Variants in ERBB4 observed in about 807,000 individuals in gnomAD.
ERBB4 encodes erb-b2 receptor tyrosine kinase 4, also known as receptor tyrosine-protein kinase erbB-4.
Under a neutral mutation model 158.0 loss-of-function variants are expected in ERBB4, and 42 were observed. The ratio of observed to expected loss-of-function variants is 0.27; its 90% CI spans 0.21 to 0.34. ERBB4 has a LOEUF of 0.34. Among genes scored for constraint, ERBB4 ranks in the 10% least tolerant of loss-of-function variants. The probability of loss-of-function intolerance (pLI) is 1.00; values close to 1 mark genes in which losing one functional copy is unlikely to be tolerated. For synonymous variants in ERBB4, 583 were observed against 558.7 expected, an observed-to-expected ratio of 1.04 and a Z score of -0.61; for missense variants, 1,333 against 1,624.1, an observed-to-expected ratio of 0.82 and a Z score of 3.08.
intron 1 of ERBB4, among the ~76,000 whole-genome samples, chr2:212,414,942 C>T (rs1169108888): frequency 6.6e-6 from 1 of 152,158 alleles, no homozygotes; most frequent in East Asian, 1.9e-4. Context: ...ATCCAGACAT[C>T]GACTTTAAGG....
chr2:212,458,977 T>C (rs952235089), intron 1 of ERBB4, among the ~76,000 whole-genome samples: 14 of 152,286 alleles, frequency 9.2e-5, no homozygotes, highest in African/African-American at 3.4e-4. Context: ...ACATTCATTC[T>C]TACCATTAGA....
At chr2:212,236,948 TTTCATGTCTCTATCTTC>T (rs2106000666) in intron 1 of ERBB4, among the ~76,000 whole-genome samples, 1 of 152,120 alleles carries the variant, frequency 6.6e-6, no homozygotes, top group African/African-American at 2.4e-5. Flanking sequence ...TTGAAGGGTT[TTTCATGTCTCTATCTTC>T]TTCATTTCTG....
intron 20 of ERBB4, among the ~76,000 whole-genome samples, chr2:211,521,992 C>T (rs1304152299): frequency 2.6e-5 from 4 of 152,072 alleles, no homozygotes; most frequent in Non-Finnish European, 5.9e-5. Context: ...CAAAAATGTA[C>T]AAGAAGAACA....
Position 212,399,973 on chromosome 2 carries a change from G to A in ERBB4, c.82+138476C>T, listed in dbSNP as rs147080690. ...CAGAGTGCTTTGAGAGTCTATGGGG[G>A]CGGAGAAAAACTTTAATGAAATCAA... On this transcript the variant is annotated intron_variant, in intron 1 of 27. Coordinates refer to ENST00000342788, the MANE Select transcript of ERBB4 (RefSeq NM_005235.3). Among the ~76,000 whole-genome samples, 592 of 152,172 alleles carry A rather than the reference G, an allele frequency of 3.9e-3. 27 individuals are homozygous for A. The East Asian group carries it at 0.093, about 24-fold the overall frequency.
At chr2:211,705,774 G>C (rs77965449) in intron 9 of ERBB4, among the ~76,000 whole-genome samples, 1 of 152,112 alleles carries the variant, frequency 6.6e-6, no homozygotes, top group Admixed American at 6.6e-5. Flanking sequence ...GAGAACAACT[G>C]GCATTTCCGC....
chr2:211,942,082 C>T (rs2080514744), intron 3 of ERBB4, among the ~76,000 whole-genome samples: 1 of 152,078 alleles, frequency 6.6e-6, no homozygotes, highest in African/African-American at 2.4e-5. Flanking sequence ...TCATATCACT[C>T]TATGACATAT....
chr2:211,756,858 A>C (rs1380004008), intron 4 of ERBB4, among the ~76,000 whole-genome samples: 5 of 152,212 alleles, frequency 3.3e-5, no homozygotes, highest in African/African-American at 9.6e-5. Flanking sequence ...TTGGTAACCA[A>C]ACTTTCAGAC....
intron 2 of ERBB4, among the ~76,000 whole-genome samples, chr2:212,122,656 G>A (rs2079792560): frequency 2.6e-5 from 4 of 151,956 alleles, no homozygotes; most frequent in Admixed American, 6.6e-5. Flanking sequence ...TCCCAACACA[G>A]TATAGACCAT....
At chr2:211,753,610 T>A (rs559076257) in intron 4 of ERBB4, among the ~76,000 whole-genome samples, 2 of 151,944 alleles carry the variant, frequency 1.3e-5, no homozygotes, top group South Asian at 4.2e-4. Context: ...CCAATCTAAT[T>A]CCCAGGGGCT....
rs1361992898 is a variant in ERBB4, at chr2:211,380,379, T to C, written c.*3236A>G. On this transcript the variant is annotated 3_prime_UTR_variant, in exon 28 of 28. Transcript: ENST00000342788. Reference sequence around the variant, plus strand: ...TTTTTCCATACCTGCCCAAAATAGGTATAATCTACAAAGTTGGGTGATTTA... The same window carrying C: ...TTTTTCCATACCTGCCCAAAATAGGCATAATCTACAAAGTTGGGTGATTTA... 6.0e-6 allele frequency: 1 copy of C among 166,138 alleles called. No individual in the cohort carries two copies. The highest frequency in any genetic ancestry group is 2.7e-5 in the African/African-American group (1 of 36,510). 10.3% of individuals were successfully genotyped at this position (166,138 alleles called of 1,614,324 possible).
At chr2:212,480,223 C>T (rs774388817) in intron 1 of ERBB4, among the ~76,000 whole-genome samples, 1 of 151,936 alleles carries the variant, frequency 6.6e-6, no homozygotes, top group Non-Finnish European at 1.5e-5. Context: ...CTATGTAAAA[C>T]AAAGACTCCT....
intron 2 of ERBB4, among the ~76,000 whole-genome samples, chr2:211,956,555 G>T (rs1032216156): frequency 6.6e-6 from 1 of 151,834 alleles, no homozygotes; most frequent in Non-Finnish European, 1.5e-5. Flanking sequence ...TCAATATTAC[G>T]TTCCTCTTCT....
At chr2:212,133,751 G>T (rs980231648) in intron 1 of ERBB4, among the ~76,000 whole-genome samples, 3 of 151,540 alleles carry the variant, frequency 2.0e-5, no homozygotes, top group Non-Finnish European at 4.4e-5. Context: ...GATTGCTTCA[G>T]GTCAGGATAC....
At chr2:211,849,026 C>T (rs538408488) in intron 3 of ERBB4, among the ~76,000 whole-genome samples, 4 of 152,144 alleles carry the variant, frequency 2.6e-5, no homozygotes, top group African/African-American at 9.6e-5. Flanking sequence ...ATGATTTTCA[C>T]ATTCAACTAT....
chr2:211,569,594 A>G (rs1416103193), intron 19 of ERBB4, among the ~76,000 whole-genome samples: 1 of 152,208 alleles, frequency 6.6e-6, no homozygotes, highest in East Asian at 1.9e-4. Context: ...ACTTTAGATA[A>G]GGAGAGCCAG....
chr2:211,631,975 G>T (rs2070151606), intron 16 of ERBB4, among the ~76,000 whole-genome samples: 1 of 151,868 alleles, frequency 6.6e-6, no homozygotes, highest in Non-Finnish European at 1.5e-5. Flanking sequence ...ATAAAATCTT[G>T]AAATTTTAAA....
At chr2:211,449,019 T>A (rs2064178445) in intron 20 of ERBB4, among the ~76,000 whole-genome samples, 1 of 152,116 alleles carries the variant, frequency 6.6e-6, no homozygotes. Context: ...ACCTCTAACA[T>A]CAACTTTAAT....
intron 1 of ERBB4, among the ~76,000 whole-genome samples, chr2:212,477,409 G>C (rs1689458640): frequency 6.6e-6 from 1 of 152,102 alleles, no homozygotes; most frequent in East Asian, 1.9e-4. Context: ...CTGAAAAGTA[G>C]ACATGGACGA....
At chr2:212,205,127 A>G (rs1180437202) in intron 1 of ERBB4, among the ~76,000 whole-genome samples, 2 of 151,878 alleles carry the variant, frequency 1.3e-5, no homozygotes, top group African/African-American at 4.8e-5. Flanking sequence ...CAACTTCCAG[A>G]CAGAGACAGA....
Sources: gnomAD v4.1 joint callset for allele counts (sites outside exome capture counted in the v4.1 genomes callset) on GRCh38, gnomAD v4.1.1 for gene constraint, MANE v1.5 for transcripts, NCBI Gene and HGNC (gene_info 2026-07-23, HGNC 2026-07-21) for gene names.